MRPL3: variants seen among roughly 807,000 people sequenced by gnomAD.
MRPL3 encodes mitochondrial ribosomal protein L3, also known as large ribosomal subunit protein uL3m.
In MRPL3, 43 loss-of-function variants were observed where a neutral mutation model predicts 44.3. The ratio of observed to expected loss-of-function variants is 0.97; its 90% CI spans 0.76 to 1.25. MRPL3 has a LOEUF of 1.25. Among genes scored for constraint, MRPL3 ranks in the 50% most tolerant of loss-of-function variants. The pLI is 0.00. For missense variants in MRPL3, 406 were observed against 427.6 expected (o/e 0.95, Z 0.45); for synonymous variants, 171 against 152.3 (o/e 1.12, Z -0.91).
rs139158354 is a variant in MRPL3, at chr3:131,497,051, T to G, written c.468+1128A>C. The stretch of plus-strand genomic sequence containing the variant: ...CCCATTTTCCTTTCTGTTCTCCCTG[T>G]GAAACCTCCTGGGATTTTCCCTGGC... On this transcript the variant is annotated intron_variant, in intron 4 of 9. Transcript: ENST00000264995. Among the ~76,000 whole-genome samples the G allele has an allele frequency of 3.0e-3, 463 of 152,346 alleles. 6 individuals are homozygous for G. The highest frequency in any genetic ancestry group is 0.018 in the Admixed American group (281 of 15,304).
At chr3:131,470,465 G>T (rs1312921997) in intron 7 of MRPL3, among the ~76,000 whole-genome samples, 2 of 152,180 alleles carry the variant, frequency 1.3e-5, no homozygotes, top group East Asian at 3.9e-4. Flanking sequence ...AACTCTCAGT[G>T]GAAGTACCTC....
At chr3:131,470,353 A>G (rs1248691143) in intron 7 of MRPL3, among the ~76,000 whole-genome samples, 2 of 152,148 alleles carry the variant, frequency 1.3e-5, no homozygotes, top group Non-Finnish European at 2.9e-5. Flanking sequence ...ACATCTAAAG[A>G]AGCAAATCTG....
At chr3:131,486,212 T>C (rs1559825139) in intron 6 of MRPL3, among the ~76,000 whole-genome samples, 1 of 151,592 alleles carries the variant, frequency 6.6e-6, no homozygotes, top group African/African-American at 2.4e-5. Flanking sequence ...ATGTTAGACC[T>C]AAAACCATAA....
chr3:131,490,149 T>C, intron 4 of MRPL3, 69 bp from the exon 5 acceptor site: 1 of 1,071,948 alleles, frequency 9.3e-7, no homozygotes, highest in East Asian at 2.4e-5. Flanking sequence ...CATGGAGATC[T>C]AAACCAAGTT....
At chr3:131,480,665 ACT>A (rs1187091432) in intron 6 of MRPL3, among the ~76,000 whole-genome samples, 1 of 152,088 alleles carries the variant, frequency 6.6e-6, no homozygotes. Flanking sequence ...TCCTGGGCAC[ACT>A]CTGTTCTTCT....
At chr3:131,463,936 G>A (rs899059164) in intron 9 of MRPL3, among the ~76,000 whole-genome samples, 1 of 152,052 alleles carries the variant, frequency 6.6e-6, no homozygotes, top group African/African-American at 2.4e-5. Context: ...TAATTTGGTT[G>A]AAATAAAGTA....
chr3:131,487,411 C>CA (rs1353558749), intron 6 of MRPL3: 1 of 314,248 alleles, frequency 3.2e-6, no homozygotes, highest in African/African-American at 2.3e-5. Flanking sequence ...ATCAAACCTG[C>CA]ACGTTGTGCA....
chr3:131,480,636 C>T (rs1032669582), intron 6 of MRPL3, among the ~76,000 whole-genome samples: 1 of 152,122 alleles, frequency 6.6e-6, no homozygotes, highest in African/African-American at 2.4e-5. Flanking sequence ...TAAATAAACC[C>T]AGAACACCAC....
intron 7 of MRPL3, among the ~76,000 whole-genome samples, chr3:131,470,095 G>GA (rs1216983916): frequency 1.3e-5 from 2 of 151,652 alleles, no homozygotes; most frequent in African/African-American, 2.4e-5. Flanking sequence ...ATCATTCAAA[G>GA]AAAAAAAATG....
At chr3:131,493,128 A>G (rs567647327) in intron 4 of MRPL3, among the ~76,000 whole-genome samples, 12 of 152,172 alleles carry the variant, frequency 7.9e-5, no homozygotes, top group African/African-American at 2.9e-4. Flanking sequence ...ATGTTACTCT[A>G]TGTATGCTTT....
chr3:131,477,188 T>C (rs968677955), intron 6 of MRPL3, among the ~76,000 whole-genome samples: 1 of 152,224 alleles, frequency 6.6e-6, no homozygotes, highest in Admixed American at 6.5e-5. Flanking sequence ...TGGATATACT[T>C]GTCTATGGGG....
intron 4 of MRPL3, among the ~76,000 whole-genome samples, chr3:131,494,285 A>G (rs961217194): frequency 6.6e-6 from 1 of 152,208 alleles, no homozygotes; most frequent in Non-Finnish European, 1.5e-5. Flanking sequence ...TACACGCTGA[A>G]ATTAACACTA....
intron 4 of MRPL3, among the ~76,000 whole-genome samples, chr3:131,497,798 G>T (rs1458730798): frequency 5.9e-5 from 9 of 152,140 alleles, no homozygotes; most frequent in Admixed American, 5.2e-4. Context: ...AAAGTGAAAT[G>T]AAACATAAAA....
intron 6 of MRPL3, among the ~76,000 whole-genome samples, chr3:131,479,705 C>T (rs539891174): frequency 3.9e-5 from 6 of 152,120 alleles, no homozygotes; most frequent in Admixed American, 2.0e-4. Context: ...AATAGCCAGG[C>T]GTGGTGGCAG....
intron 6 of MRPL3, among the ~76,000 whole-genome samples, chr3:131,477,699 A>G (rs953047145): frequency 6.6e-6 from 1 of 152,202 alleles, no homozygotes; most frequent in Non-Finnish European, 1.5e-5. Flanking sequence ...TCATTCACAA[A>G]TATTTCAGTA....
rs1181059609 is a variant in MRPL3 at position 131,498,161 on chromosome 3, A to G, written c.468+18T>C. On this transcript the variant is annotated intron_variant, in intron 4 of 9. Coordinates refer to ENST00000264995, the MANE Select transcript of MRPL3 (RefSeq NM_007208.4). ...TGATGAAAAATGCAGTATTCTAGCTATGAAAATACATCCTTACACGAAAAC... is the reference window on the plus strand; with the variant it reads ...TGATGAAAAATGCAGTATTCTAGCTGTGAAAATACATCCTTACACGAAAAC... 6.6e-7 allele frequency: 1 copy of G among 1,508,626 alleles called. No individual in the cohort carries two copies. The allele number at this position is 1,508,626 out of a possible 1,614,324, so 93.5% of individuals were successfully genotyped here. A position where few individuals can be genotyped will look rare whatever the true frequency, so the allele number is the denominator to read the frequency against.
At chr3:131,491,264 T>C (rs1934250157) in intron 4 of MRPL3, among the ~76,000 whole-genome samples, 1 of 152,142 alleles carries the variant, frequency 6.6e-6, no homozygotes, top group South Asian at 2.1e-4. Context: ...AGGATCTCCA[T>C]ACGGTCAACC....
intron 6 of MRPL3, among the ~76,000 whole-genome samples, chr3:131,483,762 C>A (rs1252376785): frequency 1.3e-5 from 2 of 152,184 alleles, no homozygotes; most frequent in Non-Finnish European, 2.9e-5. Flanking sequence ...CTGAGGTAGA[C>A]AGATACTTCT....
At chr3:131,477,889 C>T (rs1559819010) in intron 6 of MRPL3, among the ~76,000 whole-genome samples, 1 of 152,178 alleles carries the variant, frequency 6.6e-6, no homozygotes, top group Non-Finnish European at 1.5e-5. Flanking sequence ...CCATTGTCAT[C>T]ATTTCCTCCC....
Sources: gnomAD v4.1 joint callset for allele counts (sites outside exome capture counted in the v4.1 genomes callset) on GRCh38, gnomAD v4.1.1 for gene constraint, MANE v1.5 for transcripts, NCBI Gene and HGNC (gene_info 2026-07-23, HGNC 2026-07-21) for gene names.